Variants in HSPD1 observed in about 807,000 individuals in gnomAD.
HSPD1 encodes heat shock protein family D (Hsp60) member 1.
A neutral mutation model predicts 53.0 loss-of-function variants in HSPD1; 3 were observed. The ratio of observed to expected loss-of-function variants is 0.06; its 90% CI spans 0.03 to 0.15. The LOEUF is 0.15. HSPD1 is among the 10% of genes least tolerant of loss of function. The pLI is 1.00. For synonymous variants in HSPD1, 200 were observed against 228.0 expected (o/e 0.88, Z 1.10); for missense variants, 431 against 694.1 (o/e 0.62, Z 4.26).
Position 197,486,922 on chromosome 2 carries a change from G to A in HSPD1, c.*124C>T, listed in dbSNP as rs3877628. 1 of 842,130 alleles carries A rather than the reference G, an allele frequency of 1.2e-6. No individual in the cohort carries two copies. The highest frequency in any genetic ancestry group is 1.7e-5 in the Admixed American group (1 of 57,518). 52.2% of individuals were successfully genotyped at this position (842,130 alleles called of 1,614,324 possible). Reference sequence around the variant, plus strand: ...CTGAAACCAGTAACTGATGGTTATAGTGATTTTCAGCCAGCCTTTTTCTTC... The same window carrying A: ...CTGAAACCAGTAACTGATGGTTATAATGATTTTCAGCCAGCCTTTTTCTTC... On this transcript the variant is annotated 3_prime_UTR_variant, in exon 12 of 12. Coordinates refer to ENST00000388968, the MANE Select transcript of HSPD1 (RefSeq NM_002156.5).
chr2:197,493,181 C>T (rs1410298273), intron 7 of HSPD1, 143 bp downstream of exon 7: 1 of 767,186 alleles, frequency 1.3e-6, no homozygotes. Context: ...TTAGAGCACA[C>T]CTGATTTACA....
intron 6 of HSPD1, among the ~76,000 whole-genome samples, chr2:197,493,783 G>A (rs2086122484): frequency 1.3e-5 from 2 of 152,138 alleles, no homozygotes; most frequent in Admixed American, 1.3e-4. Context: ...TGGCCAACAT[G>A]GCTAAACCTT....
intron 5 of HSPD1, 59 bp from the exon 6 acceptor site, chr2:197,494,309 C>T (rs946930608): frequency 1.1e-6 from 1 of 872,700 alleles, no homozygotes. Context: ...CATGGAATTA[C>T]AGGCCAGATT....
In HSPD1 at chr2:197,498,741, G is replaced by A. The variant is rs764224635; in HGVS notation, c.108C>T (p.Ala36=). The A allele has an allele frequency of 8.8e-5, 142 of 1,614,022 alleles. No individual in the cohort carries two copies. The highest frequency in any genetic ancestry group is 1.1e-4 in the Non-Finnish European group (135 of 1,180,044). The change falls in exon 2 of 12, where the codon GCC becomes GCT. Residue 36 remains alanine (A), a synonymous_variant. Coordinates refer to ENST00000388968, the MANE Select transcript of HSPD1 (RefSeq NM_002156.5). ...YAKDVKFGAD[A]RALMLQGVDL... The stretch of plus-strand genomic sequence containing the variant: ...CTACACCTTGAAGCATTAAGGCTCG[G>A]GCATCTGCACCAAATTTTACATCTT...
At chr2:197,490,964 A>G (rs563026360) in intron 7 of HSPD1, among the ~76,000 whole-genome samples, 13 of 152,342 alleles carry the variant, frequency 8.5e-5, no homozygotes, top group Non-Finnish European at 1.8e-4. Flanking sequence ...GTAAATGAAT[A>G]CTTGGAATGT....
chr2:197,500,149 A>C, upstream of HSPD1: 3 of 518,928 alleles, frequency 5.8e-6, no homozygotes, highest in Non-Finnish European at 1.0e-5. Context: ...ACGAAGGGGT[A>C]GTTCTTTCAC....
intron 3 of HSPD1, chr2:197,496,924 A>C (rs1292331803): frequency 1.7e-6 from 1 of 577,574 alleles, no homozygotes. Flanking sequence ...AACAAAAGAA[A>C]CCAACTAAGT....
intron 3 of HSPD1, 49 bp downstream of exon 3, chr2:197,497,091 T>C: frequency 6.3e-7 from 1 of 1,590,206 alleles, no homozygotes; most frequent in Non-Finnish European, 8.6e-7. Context: ...ATCAATGCCT[T>C]AAAGCACACT....
At chr2:197,491,951 TAGGCAACATATTG>T (rs564517165) in intron 7 of HSPD1, among the ~76,000 whole-genome samples, 64 of 152,266 alleles carry the variant, frequency 4.2e-4, no homozygotes, top group Admixed American at 7.8e-4. Context: ...AAGACTAGCC[TAGGCAACATATTG>T]AGGCAACATA....
chr2:197,498,762 A>C lies in HSPD1; in HGVS notation c.87T>G (p.Asp29Glu), dbSNP rs2106080990. ...CTCGGGCATCTGCACCAAATTTTAC[A>C]TCTTTGGCATAAGCCCGAGTGAGAT... is the stretch of plus-strand genomic sequence containing the variant. ...APHLTRAYAKDVKFGADARAL... is the reference protein window; with the variant it reads ...APHLTRAYAKEVKFGADARAL... The change falls in exon 2 of 12, where the codon GAT becomes GAG. Residue 29 changes from aspartate (D) to glutamate (E), a missense_variant. Physicochemically the swap from Asp to Glu is conservative, Grantham distance 45. Around this residue, in one of 2 missense-constraint regions of HSPD1, gnomAD observed 386 missense variants for 657.6 expected, o/e 0.59. Transcript: ENST00000388968. 5 of 1,614,248 alleles carry C rather than the reference A, an allele frequency of 3.1e-6. No individual in the cohort carries two copies. The South Asian group carries it at 4.4e-5, about 14-fold the overall frequency.
intron 8 of HSPD1, among the ~76,000 whole-genome samples, chr2:197,489,936 C>T (rs184741033): frequency 6.6e-6 from 1 of 151,410 alleles, no homozygotes; most frequent in African/African-American, 2.4e-5. Context: ...CAAGACAGAT[C>T]AAGACACTGT....
chr2:197,498,828 G>C lies in HSPD1; in HGVS notation c.21C>G (p.Val7=), dbSNP rs376589079. ...TGGACACCGGTCTCATCTGGCGAAA[G>C]ACTGTGGGTAACCGAAGCATTTCTG... MLRLPT[V]FRQMRPVSRV... is the part of the protein sequence containing the mutation. Residue 7 remains valine, a synonymous_variant, in exon 2 of 12, where the codon GTC becomes GTG. Coordinates refer to ENST00000388968, the MANE Select transcript of HSPD1 (RefSeq NM_002156.5). 1 of 1,614,102 alleles carries C rather than the reference G, an allele frequency of 6.2e-7. No homozygotes were observed. The highest frequency in any genetic ancestry group is 8.5e-7 in the Non-Finnish European group (1 of 1,180,050).
chr2:197,495,204 T>C, intron 4 of HSPD1, 90 bp downstream of exon 4: 2 of 746,522 alleles, frequency 2.7e-6, no homozygotes, highest in South Asian at 2.9e-5. Context: ...GTAGTATTGT[T>C]ATTCTGACAT....
chr2:197,490,370 A>T, intron 7 of HSPD1, 74 bp from the exon 8 acceptor site: 1 of 1,170,166 alleles, frequency 8.5e-7, no homozygotes, highest in Non-Finnish European at 1.3e-6. Context: ...TCAAGCTGTT[A>T]CTAGATTACT....
At chr2:197,490,626 C>G in intron 7 of HSPD1, 2 of 312,668 alleles carry the variant, frequency 6.4e-6, no homozygotes, top group Non-Finnish European at 1.2e-5. Context: ...GTCAGGAGTT[C>G]GAGACCAGCC....
At chr2:197,498,563 G>C (rs949885328) in intron 2 of HSPD1, 112 bp downstream of exon 2, 1 of 961,740 alleles carries the variant, frequency 1.0e-6, no homozygotes, top group African/African-American at 1.6e-5. Context: ...CATGTAAACT[G>C]AGTTCTCTCA....
intron 9 of HSPD1, 35 bp from the exon 10 acceptor site, chr2:197,488,526 C>G: frequency 6.3e-7 from 1 of 1,582,828 alleles, no homozygotes; most frequent in Non-Finnish European, 8.7e-7. Flanking sequence ...AGTATGGCCT[C>G]TTCATTCAAG....
intron 2 of HSPD1, 153 bp from the exon 3 acceptor site, chr2:197,497,545 G>C (rs983326626): frequency 4.2e-6 from 3 of 715,226 alleles, no homozygotes; most frequent in Non-Finnish European, 7.2e-6. Context: ...TCAAGGGCAA[G>C]TTTATCGACA....
At chr2:197,491,248 C>T (rs552269023) in intron 7 of HSPD1, among the ~76,000 whole-genome samples, 12 of 146,960 alleles carry the variant, frequency 8.2e-5, no homozygotes, top group African/African-American at 2.0e-4. Flanking sequence ...AGTGCAGTGG[C>T]GAGATCTCGG....
Sources: gnomAD v4.1 joint callset for allele counts (sites outside exome capture counted in the v4.1 genomes callset) on GRCh38, gnomAD v4.1.1 for gene constraint, gnomAD v4.1.1 regional missense constraint, MANE v1.5 for transcripts, NCBI Gene and HGNC (gene_info 2026-07-23, HGNC 2026-07-21) for gene names.